The following PTPRD variants were observed in gnomAD, a reference collection of about 807,000 sequenced individuals.
The protein encoded by PTPRD is receptor-type tyrosine-protein phosphatase delta.
In PTPRD, 34 loss-of-function variants were observed where a neutral mutation model predicts 214.5. The observed-to-expected ratio is 0.16, with a 90% CI of 0.12 to 0.21. The LOEUF (loss-of-function observed/expected upper bound fraction) is 0.21. Among genes scored for constraint, PTPRD ranks in the 10% least tolerant of loss-of-function variants. The probability of loss-of-function intolerance (pLI) is 1.00; values close to 1 mark genes in which losing one functional copy is unlikely to be tolerated. For missense variants in PTPRD, 2,545 were observed against 2,398.7 expected (o/e 1.06, Z -1.27); for synonymous variants, 1,128 against 845.7 (o/e 1.33, Z -5.79).
chr9:8,959,221 C>G (rs536186184), intron 11 of PTPRD, among the ~76,000 whole-genome samples: 1 of 151,830 alleles, frequency 6.6e-6, no homozygotes, highest in Non-Finnish European at 1.5e-5. Flanking sequence ...GAAGATGAAC[C>G]CTGGAAAAGT....
In PTPRD at chr9:8,911,531, T is replaced by C. The variant is rs577133815; in HGVS notation, c.-104+107166A>G. Among the ~76,000 whole-genome samples, 18 of 152,102 alleles carry C rather than the reference T, an allele frequency of 1.2e-4. 1 individual carries two copies. In the South Asian group the frequency reaches 3.3e-3, roughly 28 times the overall value. On this transcript the variant is annotated intron_variant, in intron 11 of 45. Coordinates refer to ENST00000381196, the MANE Select transcript of PTPRD (RefSeq NM_002839.4). ...ACAAAAATTAACTCAAAATAAATCATAGACCCAAATGTAAGAGCTAAATCT... is the reference window on the plus strand; with the variant it reads ...ACAAAAATTAACTCAAAATAAATCACAGACCCAAATGTAAGAGCTAAATCT...
intron 2 of PTPRD, among the ~76,000 whole-genome samples, chr9:10,590,025 AAAT>A (rs367682482): frequency 5.3e-5 from 8 of 152,070 alleles, no homozygotes; most frequent in African/African-American, 1.9e-4. Flanking sequence ...TTGAAAATAA[AAAT>A]AACCAAGTGT....
Position 9,465,654 on chromosome 9 carries a change from T to C in PTPRD, c.-236-68172A>G, listed in dbSNP as rs181329003. Among the ~76,000 whole-genome samples, 17 of 152,342 alleles carry C rather than the reference T, an allele frequency of 1.1e-4. No homozygotes were observed. In the East Asian group the frequency reaches 3.1e-3, roughly 28 times the overall value. ...TCCTCTCTTCCATCTTTTTGCCTTT[T>C]TCTATGCCCCAAACCCAATGCGTTC... On this transcript the variant is annotated intron_variant, in intron 8 of 45. Coordinates refer to ENST00000381196, the MANE Select transcript of PTPRD (RefSeq NM_002839.4).
At chr9:10,109,403 G>C (rs980469227) in intron 3 of PTPRD, among the ~76,000 whole-genome samples, 1 of 152,288 alleles carries the variant, frequency 6.6e-6, no homozygotes, top group East Asian at 1.9e-4. Flanking sequence ...GTTGTTTGCT[G>C]TAAGAAGTAA....
intron 10 of PTPRD, among the ~76,000 whole-genome samples, chr9:9,138,925 A>G (rs1048254927): frequency 6.6e-6 from 1 of 152,172 alleles, no homozygotes; most frequent in African/African-American, 2.4e-5. Context: ...TAACTACCCT[A>G]GACACTAAGT....
At chr9:9,336,536 T>C (rs907409322) in intron 9 of PTPRD, among the ~76,000 whole-genome samples, 7 of 152,120 alleles carry the variant, frequency 4.6e-5, no homozygotes, top group Admixed American at 1.3e-4. Context: ...CCCTAAATGA[T>C]AAAGTTCATT....
At chr9:8,721,015 C>A (rs1370547453) in intron 12 of PTPRD, among the ~76,000 whole-genome samples, 1 of 150,954 alleles carries the variant, frequency 6.6e-6, no homozygotes, top group Non-Finnish European at 1.5e-5. Flanking sequence ...TTGCTCTAGG[C>A]AGGTCATCTA....
chr9:10,506,599 T>C (rs2046064410), intron 2 of PTPRD, among the ~76,000 whole-genome samples: 1 of 152,140 alleles, frequency 6.6e-6, no homozygotes, highest in Non-Finnish European at 1.5e-5. Flanking sequence ...TATACACACC[T>C]ACTATGTATT....
At chr9:9,740,914 T>C (rs1229245681) in intron 6 of PTPRD, among the ~76,000 whole-genome samples, 1 of 152,152 alleles carries the variant, frequency 6.6e-6, no homozygotes, top group Non-Finnish European at 1.5e-5. Flanking sequence ...ACATAGATGG[T>C]AGTATATTCT....
At chr9:10,301,252 C>A (rs900948886) in intron 3 of PTPRD, among the ~76,000 whole-genome samples, 1 of 152,110 alleles carries the variant, frequency 6.6e-6, no homozygotes, top group Non-Finnish European at 1.5e-5. Flanking sequence ...ACTCAGAGAC[C>A]CCATCCGAAG....
intron 9 of PTPRD, among the ~76,000 whole-genome samples, chr9:9,289,501 T>C (rs77199133): frequency 0.019 from 2,938 of 151,894 alleles, 91 homozygotes; most frequent in African/African-American, 0.066. Flanking sequence ...GTGTGTCTGC[T>C]CTCTTCAAAT....
chr9:9,601,115 G>A (rs995372265), intron 7 of PTPRD, among the ~76,000 whole-genome samples: 1 of 48,124 alleles, frequency 2.1e-5, no homozygotes, highest in Non-Finnish European at 5.4e-5. Flanking sequence ...TAATATATGT[G>A]TGTGTGTGTG....
chr9:10,182,956 A>G (rs1271590882), intron 3 of PTPRD, among the ~76,000 whole-genome samples: 1 of 152,116 alleles, frequency 6.6e-6, no homozygotes, highest in Non-Finnish European at 1.5e-5. Context: ...GGCTCATTTA[A>G]TGTATTTTTC....
chr9:9,042,605 CT>C (rs201347176), intron 10 of PTPRD, among the ~76,000 whole-genome samples: 1 of 81,258 alleles, frequency 1.2e-5, no homozygotes, highest in Non-Finnish European at 2.8e-5. Context: ...AGCATTTTTT[CT>C]TTTTTTTCTT....
At chr9:10,541,981 C>T (rs775850848) in intron 2 of PTPRD, among the ~76,000 whole-genome samples, 3 of 151,814 alleles carry the variant, frequency 2.0e-5, no homozygotes, top group Non-Finnish European at 4.4e-5. Flanking sequence ...GTATTTGTAC[C>T]CTAACAGGTC....
At chr9:10,049,294 G>C (rs895573337) in intron 3 of PTPRD, among the ~76,000 whole-genome samples, 12 of 151,664 alleles carry the variant, frequency 7.9e-5, no homozygotes, top group African/African-American at 2.7e-4. Flanking sequence ...TGCTTCTTGT[G>C]GGTCCATACT....
intron 2 of PTPRD, among the ~76,000 whole-genome samples, chr9:10,374,271 G>T (rs1199533165): frequency 1.3e-5 from 2 of 152,036 alleles, no homozygotes; most frequent in African/African-American, 4.8e-5. Context: ...AAATACAGAA[G>T]TTTGAATTTG....
intron 2 of PTPRD, among the ~76,000 whole-genome samples, chr9:10,369,042 C>CA (rs1285172959): frequency 6.6e-6 from 1 of 151,790 alleles, no homozygotes; most frequent in African/African-American, 2.4e-5. Flanking sequence ...AAAACAAAAA[C>CA]ACAGTGCCAA....
At chr9:9,185,978 T>C (rs570605316) in intron 9 of PTPRD, among the ~76,000 whole-genome samples, 261 of 152,076 alleles carry the variant, frequency 1.7e-3, no homozygotes, top group African/African-American at 6.0e-3. Flanking sequence ...ACAAAAACTA[T>C]TTAACATCAG....
Sources: gnomAD v4.1 joint callset for allele counts (sites outside exome capture counted in the v4.1 genomes callset) on GRCh38, gnomAD v4.1.1 for gene constraint, MANE v1.5 for transcripts, NCBI Gene and HGNC (gene_info 2026-07-23, HGNC 2026-07-21) for gene names.